The following NOSTRIN variants were observed in gnomAD, a reference collection of about 807,000 sequenced individuals.
NOSTRIN encodes BM247 homolog.
NOSTRIN carries 63 observed loss-of-function variants against 59.0 expected under a neutral mutation model. That is an observed-to-expected ratio of 1.07 (90% CI 0.87 to 1.32). The LOEUF is 1.32. Among genes scored for constraint, NOSTRIN ranks in the 40% most tolerant of loss-of-function variants. The pLI is 0.00. For synonymous variants in NOSTRIN, 200 were observed against 165.4 expected (o/e 1.21, Z -1.61); for missense variants, 512 against 473.1 (o/e 1.08, Z -0.76).
At chr2:168,794,396 G>C (rs4109426), upstream of NOSTRIN, among the ~76,000 whole-genome samples, 86,547 of 149,994 alleles carry the variant, frequency 0.58, 25,118 homozygotes, top group Admixed American at 0.64. Context: ...CTGTTGCCCA[G>C]GCTGGAGTGC....
At chr2:168,791,562 G>A (rs753734990) in intron 2 of NOSTRIN, among the ~76,000 whole-genome samples, 52 of 152,272 alleles carry the variant, frequency 3.4e-4, no homozygotes, top group Non-Finnish European at 7.2e-4. Flanking sequence ...CTGAGGAATT[G>A]CCACACTGTC....
chr2:168,863,762 T>C (rs761070863), intron 15 of NOSTRIN: 24 of 601,036 alleles, frequency 4.0e-5, no homozygotes, highest in Non-Finnish European at 5.0e-5. Flanking sequence ...GACATACTTA[T>C]AGCAGCCAAC....
At chr2:168,795,909 T>G (rs555511539), upstream of NOSTRIN, among the ~76,000 whole-genome samples, 3 of 152,230 alleles carry the variant, frequency 2.0e-5, no homozygotes, top group East Asian at 1.9e-4. Context: ...AGTTGGATAG[T>G]TTTTTTTCTT....
At chr2:168,813,456 A>G (rs545180284) in intron 2 of NOSTRIN, among the ~76,000 whole-genome samples, 1 of 152,160 alleles carries the variant, frequency 6.6e-6, no homozygotes, top group Non-Finnish European at 1.5e-5. Flanking sequence ...TCTTTTTTCT[A>G]GATCACTCCA....
chr2:168,799,473 C>T (rs1031450045), upstream of NOSTRIN, among the ~76,000 whole-genome samples: 4 of 152,214 alleles, frequency 2.6e-5, no homozygotes, highest in African/African-American at 9.6e-5. Flanking sequence ...TCACTGTGGT[C>T]TGCTCTATCC....
intron 12 of NOSTRIN, 105 bp from the exon 13 acceptor site, chr2:168,859,407 G>A (rs1689304745): frequency 8.0e-6 from 12 of 1,494,180 alleles, no homozygotes; most frequent in South Asian, 2.7e-5. Flanking sequence ...AGTTAAATGC[G>A]TACTTTTCTA....
upstream of NOSTRIN, chr2:168,798,219 C>T (rs77969969): frequency 6.6e-5 from 10 of 152,234 alleles, no homozygotes; most frequent in East Asian, 1.5e-3. Flanking sequence ...GTGCCTGACA[C>T]GTGGTATGTC....
chr2:168,808,551 T>A (rs1685981286), intron 1 of NOSTRIN, among the ~76,000 whole-genome samples: 1 of 152,204 alleles, frequency 6.6e-6, no homozygotes. Flanking sequence ...TTTTGTTGAG[T>A]CTTTGTTTCT....
chr2:168,838,937 C>T (rs1341819528), intron 7 of NOSTRIN, among the ~76,000 whole-genome samples: 1 of 151,918 alleles, frequency 6.6e-6, no homozygotes, highest in Non-Finnish European at 1.5e-5. Context: ...GCACTCACCA[C>T]CATGCCCAGC....
In NOSTRIN at chr2:168,803,973, A is replaced by G. The variant is rs931733724; in HGVS notation, c.27+1300A>G. Among the ~76,000 whole-genome samples the G allele has an allele frequency of 2.6e-5, 4 of 152,316 alleles. No individual in the cohort carries two copies. The East Asian group carries it at 7.7e-4, about 29-fold the overall frequency. ...ATAGGGGCGGCAGGCCAGGACAGGG[A>G]TGGGGTAAGTGGCAGCAAAATCTTG... is the stretch of plus-strand genomic sequence containing the variant. On this transcript the variant is annotated intron_variant, in intron 1 of 15. Transcript: ENST00000317647.
chr2:168,789,961 G>A (rs1323000865), intron 2 of NOSTRIN, among the ~76,000 whole-genome samples: 2 of 152,186 alleles, frequency 1.3e-5, no homozygotes, highest in African/African-American at 4.8e-5. Context: ...GAAATATGAT[G>A]CTTTCTTAAT....
intron 6 of NOSTRIN, among the ~76,000 whole-genome samples, chr2:168,832,521 T>A (rs1017541110): frequency 6.6e-6 from 1 of 151,982 alleles, no homozygotes; most frequent in African/African-American, 2.4e-5. Context: ...GCCAAATAAC[T>A]AGAGACAGAC....
intron 14 of NOSTRIN, 32 bp from the exon 15 acceptor site, chr2:168,861,928 C>G (rs1180121719): frequency 6.3e-7 from 1 of 1,597,050 alleles, no homozygotes; most frequent in Non-Finnish European, 8.6e-7. Flanking sequence ...CCTGCTAACA[C>G]AGCATACTAA....
At position 168,821,451 on chromosome 2, in the gene NOSTRIN, T is replaced by G. The variant is rs190904114; in HGVS notation, c.114-3183T>G. 1.1e-4 allele frequency among the ~76,000 whole-genome samples: 17 copies of G among 152,378 alleles called. No homozygotes were observed. The East Asian group carries it at 3.3e-3, about 29-fold the overall frequency. Reference sequence around the variant, plus strand: ...ATTCACTTATTCATTCATTCATTTGTGACATACATACTGAGTGCCTGTTAT... The same window carrying G: ...ATTCACTTATTCATTCATTCATTTGGGACATACATACTGAGTGCCTGTTAT... On this transcript the variant is annotated intron_variant, in intron 2 of 15. Coordinates refer to ENST00000317647, the MANE Select transcript of NOSTRIN (RefSeq NM_001039724.4).
chr2:168,819,239 A>G (rs1288166672), intron 2 of NOSTRIN, among the ~76,000 whole-genome samples: 1 of 152,160 alleles, frequency 6.6e-6, no homozygotes, highest in East Asian at 1.9e-4. Context: ...AGAAGAAATC[A>G]TTCTAAGTGG....
intron 7 of NOSTRIN, among the ~76,000 whole-genome samples, chr2:168,836,226 T>C (rs1473803788): frequency 6.6e-6 from 1 of 152,254 alleles, no homozygotes; most frequent in South Asian, 2.1e-4. Context: ...AAATACTCAG[T>C]GCCAGGACCT....
At chr2:168,789,366 C>T (rs187157922) in intron 2 of NOSTRIN, among the ~76,000 whole-genome samples, 130 of 152,246 alleles carry the variant, frequency 8.5e-4, no homozygotes, top group Non-Finnish European at 1.5e-3. Context: ...TAACCATGGC[C>T]GAAGGCAAAA....
chr2:168,846,377 C>T (rs1292692390), intron 8 of NOSTRIN, among the ~76,000 whole-genome samples: 1 of 152,108 alleles, frequency 6.6e-6, no homozygotes, highest in Non-Finnish European at 1.5e-5. Context: ...TAGGGTCCTA[C>T]GAAGTGTTCT....
In NOSTRIN at chr2:168,851,296, C is replaced by T. The variant is rs757942271; in HGVS notation, c.747C>T (p.His249=). ...CATTGCAGTGCCACACGCAGATTCA[C>T]TGTGCCATCAGCAAGATTGACATTG... ...QTLTTCHTQI[H]CAISKIDIEK... is the part of the protein sequence containing the mutation. Residue 249 remains histidine (H), a synonymous_variant, in exon 10 of 16, where the codon CAC becomes CAT. Coordinates refer to ENST00000317647, the MANE Select transcript of NOSTRIN (RefSeq NM_001039724.4). 12 of 1,613,660 alleles carry T rather than the reference C, an allele frequency of 7.4e-6. No homozygotes were observed. Among genetic ancestry groups the T allele is most frequent in the Non-Finnish European group, 8.5e-6 (10 of 1,179,960 alleles).
Sources: allele counts gnomAD v4.1 joint callset (sites outside exome capture counted in the v4.1 genomes callset), GRCh38; gene constraint gnomAD v4.1.1; transcripts MANE v1.5; gene names NCBI Gene and HGNC (gene_info 2026-07-23, HGNC 2026-07-21).